DPP6: variants seen among roughly 807,000 people sequenced by gnomAD.
DPP6 encodes the protein dipeptidyl peptidase like 6.
DPP6 carries 69 observed loss-of-function variants against 122.6 expected under a neutral mutation model. The ratio of observed to expected loss-of-function variants is 0.56; its 90% confidence interval spans 0.46 to 0.69. DPP6 has a LOEUF of 0.69. DPP6 is among the 30% of genes least tolerant of loss of function. The probability of loss-of-function intolerance (pLI) is 0.00; values close to 1 mark genes in which losing one functional copy is unlikely to be tolerated. For missense variants in DPP6, 928 were observed against 1,116.9 expected, an observed-to-expected ratio of 0.83 and a Z score of 2.41; for synonymous variants, 418 against 433.1, an observed-to-expected ratio of 0.97 and a Z score of 0.43.
At chr7:154,180,973 A>G (rs1798054632) in intron 1 of DPP6, among the ~76,000 whole-genome samples, 1 of 152,202 alleles carries the variant, frequency 6.6e-6, no homozygotes, top group South Asian at 2.1e-4. Flanking sequence ...TTAAAGAGGA[A>G]ATACTAGAAA....
chr7:154,133,676 G>T (rs1265251490), intron 1 of DPP6, among the ~76,000 whole-genome samples: 3 of 152,074 alleles, frequency 2.0e-5, no homozygotes, highest in Admixed American at 1.3e-4. Context: ...AAATGGCAGG[G>T]TGGGGCTGTT....
chr7:154,762,600 A>C (rs1447893197), intron 8 of DPP6, among the ~76,000 whole-genome samples: 1 of 152,198 alleles, frequency 6.6e-6, no homozygotes, highest in Non-Finnish European at 1.5e-5. Flanking sequence ...GAGCCTCTGC[A>C]CAACACTGGC....
intron 1 of DPP6, among the ~76,000 whole-genome samples, chr7:154,006,626 T>C (rs1364578054): frequency 6.6e-6 from 1 of 152,044 alleles, no homozygotes; most frequent in East Asian, 1.9e-4. Context: ...AGCTGGTGGG[T>C]CTCTGCCTAA....
intron 7 of DPP6, among the ~76,000 whole-genome samples, chr7:154,685,561 AC>A (rs564118000): frequency 2.0e-5 from 3 of 152,176 alleles, no homozygotes; most frequent in Non-Finnish European, 4.4e-5. Context: ...TCTTTAATAA[AC>A]TTTGAAGTTT....
At chr7:153,765,275 C>T in the DPP6 span, among the ~76,000 whole-genome samples, 2 of 152,120 alleles carry the variant, frequency 1.3e-5, no homozygotes, top group Non-Finnish European at 2.9e-5. Context: ...GGTGTGGTGG[C>T]CCATGCCTGT....
At chr7:154,367,383 CT>C (rs1812274636) in intron 1 of DPP6, among the ~76,000 whole-genome samples, 1 of 152,134 alleles carries the variant, frequency 6.6e-6, no homozygotes, top group South Asian at 2.1e-4. Context: ...CAAATTTGAA[CT>C]TTTTTTTAAA....
At chr7:154,810,155 CCTTA>C (rs10558275) in intron 16 of DPP6, among the ~76,000 whole-genome samples, 114,195 of 151,770 alleles carry the variant, frequency 0.75, 43,732 homozygotes, top group Non-Finnish European at 0.84. Context: ...CTCACCTGGC[CCTTA>C]CTTAACAAAC....
intron 8 of DPP6, among the ~76,000 whole-genome samples, chr7:154,742,159 A>T (rs565301258): frequency 1.3e-5 from 2 of 152,320 alleles, no homozygotes; most frequent in East Asian, 1.9e-4. Context: ...TCCCTTGAGG[A>T]ACTGATACAC....
chr7:154,014,451 T>C (rs1433595083), intron 1 of DPP6, among the ~76,000 whole-genome samples: 5 of 150,578 alleles, frequency 3.3e-5, no homozygotes, highest in African/African-American at 9.8e-5. Context: ...GGTCAGGAGT[T>C]CGAGACCAAC....
At chr7:153,974,676 G>A (rs181668319) in intron 1 of DPP6, among the ~76,000 whole-genome samples, 1 of 152,300 alleles carries the variant, frequency 6.6e-6, no homozygotes, top group African/African-American at 2.4e-5. Context: ...CTGAGGGTCG[G>A]TTGCAAAGTG....
At chr7:154,580,120 A>G (rs1831954803) in intron 5 of DPP6, among the ~76,000 whole-genome samples, 1 of 150,900 alleles carries the variant, frequency 6.6e-6, no homozygotes, top group Non-Finnish European at 1.5e-5. Context: ...TCAAGTGGGT[A>G]TGTCTGACGA....
intron 2 of DPP6, among the ~76,000 whole-genome samples, chr7:154,453,394 C>T (rs902473538): frequency 6.6e-6 from 1 of 152,086 alleles, no homozygotes; most frequent in African/African-American, 2.4e-5. Context: ...ATTACTTTTA[C>T]GGAATTAAAA....
At chr7:153,955,397 T>C (rs1412818345) in intron 1 of DPP6, among the ~76,000 whole-genome samples, 1 of 152,202 alleles carries the variant, frequency 6.6e-6, no homozygotes, top group African/African-American at 2.4e-5. Context: ...TTATTTAATT[T>C]TTATAATAAT....
intron 1 of DPP6, among the ~76,000 whole-genome samples, chr7:154,317,188 T>C (rs1410975935): frequency 1.3e-5 from 2 of 152,136 alleles, no homozygotes; most frequent in East Asian, 3.9e-4. Context: ...TTTCCTTCAC[T>C]GCAGCTGTGC....
At chr7:154,578,978 C>G (rs1291987291) in intron 5 of DPP6, among the ~76,000 whole-genome samples, 1 of 152,152 alleles carries the variant, frequency 6.6e-6, no homozygotes, top group Non-Finnish European at 1.5e-5. Context: ...TAATCTAGCT[C>G]TCCACCTGAG....
intron 1 of DPP6, among the ~76,000 whole-genome samples, chr7:154,287,752 A>T (rs186509147): frequency 2.0e-5 from 3 of 152,266 alleles, no homozygotes; most frequent in Admixed American, 2.0e-4. Flanking sequence ...ACTTTCCCTG[A>T]TTAAACCGGA....
At chr7:154,429,118 T>C (rs1304430460) in intron 1 of DPP6, among the ~76,000 whole-genome samples, 2 of 151,798 alleles carry the variant, frequency 1.3e-5, no homozygotes, top group Non-Finnish European at 2.9e-5. Flanking sequence ...TTCTGCTACT[T>C]TACATCTGTG....
intron 1 of DPP6, among the ~76,000 whole-genome samples, chr7:154,419,596 C>T (rs904169407): frequency 6.6e-6 from 1 of 152,180 alleles, no homozygotes; most frequent in Non-Finnish European, 1.5e-5. Context: ...CTGGGCTTGT[C>T]TTCCTTTTTC....
chr7:154,495,639 C>T (rs1211352265), intron 3 of DPP6, among the ~76,000 whole-genome samples: 2 of 152,158 alleles, frequency 1.3e-5, no homozygotes, highest in Non-Finnish European at 1.5e-5. Context: ...ATCCATCCAC[C>T]TTGATCTCCC....
Sources: allele counts gnomAD v4.1 joint callset (sites outside exome capture counted in the v4.1 genomes callset), GRCh38; gene constraint gnomAD v4.1.1; transcripts MANE v1.5; gene names NCBI Gene and HGNC (gene_info 2026-07-23, HGNC 2026-07-21).